The following RAPGEF5 variants were observed in gnomAD, a reference collection of about 807,000 sequenced individuals.
RAPGEF5 encodes the protein M-Ras-regulated GEF.
In RAPGEF5, 65 loss-of-function variants were observed where a neutral mutation model predicts 125.2. The ratio of observed to expected loss-of-function variants is 0.52; its 90% CI spans 0.43 to 0.64. The LOEUF is 0.64. RAPGEF5 is among the 30% of genes least tolerant of loss of function. The pLI is 0.00. For synonymous variants in RAPGEF5, 391 were observed against 385.9 expected, an observed-to-expected ratio of 1.01 and a Z score of -0.16; for missense variants, 958 against 1,048.1, an observed-to-expected ratio of 0.91 and a Z score of 1.19.
At chr7:22,311,921 T>C (rs1783479226) in intron 3 of RAPGEF5, among the ~76,000 whole-genome samples, 2 of 152,258 alleles carry the variant, frequency 1.3e-5, no homozygotes, top group South Asian at 2.1e-4. Context: ...GATTAAATAC[T>C]GTACCATCTT....
chr7:22,205,457 T>A (rs1334541722), intron 9 of RAPGEF5, among the ~76,000 whole-genome samples: 1 of 152,224 alleles, frequency 6.6e-6, no homozygotes, highest in Non-Finnish European at 1.5e-5. Flanking sequence ...TCCTTCTCTA[T>A]CAGCTCCAGT....
chr7:22,275,149 G>A (rs1348672375), intron 6 of RAPGEF5, among the ~76,000 whole-genome samples: 1 of 152,012 alleles, frequency 6.6e-6, no homozygotes, highest in Non-Finnish European at 1.5e-5. Context: ...CCCAACTTAG[G>A]TACCATCTTC....
At chr7:22,240,322 GTT>G (rs113862025) in intron 7 of RAPGEF5, among the ~76,000 whole-genome samples, 11 of 145,146 alleles carry the variant, frequency 7.6e-5, no homozygotes, top group Admixed American at 5.5e-4. Context: ...ACAGGTTTGG[GTT>G]TTTTTTTTTT....
At chr7:22,244,910 G>A (rs1025415094) in intron 7 of RAPGEF5, among the ~76,000 whole-genome samples, 2 of 152,168 alleles carry the variant, frequency 1.3e-5, no homozygotes, top group Non-Finnish European at 2.9e-5. Context: ...CCATATTGTG[G>A]TATGGCTGTA....
Position 22,126,873 on chromosome 7 carries a change from T to C in RAPGEF5, c.2482-1215A>G, listed in dbSNP as rs375319802. On this transcript the variant is annotated intron_variant, in intron 24 of 25. Coordinates refer to ENST00000665637, the MANE Select transcript of RAPGEF5 (RefSeq NM_012294.5). ...CCTGACCTCAGATAATCCAACCAAATTGGCCTCCCAGAATGCTGAGATTAT... is the reference window on the plus strand; with the variant it reads ...CCTGACCTCAGATAATCCAACCAAACTGGCCTCCCAGAATGCTGAGATTAT... Among the ~76,000 whole-genome samples the C allele has an allele frequency of 2.0e-4, 30 of 152,216 alleles. No homozygotes were observed. In the South Asian group the frequency reaches 4.8e-3, roughly 24 times the overall value.
At chr7:22,133,923 A>G (rs963965435) in intron 23 of RAPGEF5, among the ~76,000 whole-genome samples, 1 of 152,224 alleles carries the variant, frequency 6.6e-6, no homozygotes, top group Non-Finnish European at 1.5e-5. Flanking sequence ...GATAATCTGC[A>G]GGCTTATTGG....
At chr7:22,227,312 C>T (rs17146454) in intron 8 of RAPGEF5, among the ~76,000 whole-genome samples, 23,468 of 151,950 alleles carry the variant, frequency 0.15, 1,901 homozygotes, top group Admixed American at 0.2. Context: ...TTTTCTTTGA[C>T]AGTATTAAAT....
At chr7:22,290,732 G>A (rs1437000388) in intron 6 of RAPGEF5, among the ~76,000 whole-genome samples, 1 of 134,466 alleles carries the variant, frequency 7.4e-6, no homozygotes, top group Non-Finnish European at 1.5e-5. Context: ...GCGACAGAGC[G>A]AGACTCCGTC....
rs778525483 is a variant in RAPGEF5, at chr7:22,162,448, A to C, written c.1377T>G (p.Ala459=). The change falls in exon 13 of 26, where the codon GCT becomes GCG. Residue 459 remains alanine (A), a synonymous_variant. Coordinates refer to ENST00000665637, the MANE Select transcript of RAPGEF5 (RefSeq NM_012294.5). The part of the protein sequence containing the change: ...KVLHLVSQWI[A]LYKDWLPEDE... Reference sequence around the variant, plus strand: ...CTTCAGGTAACCAGTCTTTGTACAGAGCAATCCACTGGGAAACAAGATGCA... The same window carrying C: ...CTTCAGGTAACCAGTCTTTGTACAGCGCAATCCACTGGGAAACAAGATGCA... 1.2e-6 allele frequency: 2 copies of C among 1,601,356 alleles called. No homozygotes were observed. Among genetic ancestry groups the C allele is most frequent in the East Asian group, 4.5e-5 (2 of 44,792 alleles).
chr7:22,325,016 C>G (rs1364176595), intron 1 of RAPGEF5, among the ~76,000 whole-genome samples: 1 of 152,186 alleles, frequency 6.6e-6, no homozygotes, highest in African/African-American at 2.4e-5. Context: ...AAACCACATG[C>G]ATTCCCCCTC....
intron 6 of RAPGEF5, among the ~76,000 whole-genome samples, chr7:22,278,559 A>C (rs183528803): frequency 5.9e-5 from 9 of 151,862 alleles, no homozygotes; most frequent in Middle Eastern, 3.4e-3. Flanking sequence ...TCCTAAATTC[A>C]CTCACTGCAT....
At chr7:22,283,154 A>G (rs1035335580) in intron 6 of RAPGEF5, among the ~76,000 whole-genome samples, 4 of 152,186 alleles carry the variant, frequency 2.6e-5, no homozygotes, top group African/African-American at 9.7e-5. Flanking sequence ...CATTTAGAAA[A>G]ATGATAAAGT....
chr7:22,157,656 A>G (rs1332210657), intron 15 of RAPGEF5, among the ~76,000 whole-genome samples, 199 bp downstream of exon 15: 1 of 152,238 alleles, frequency 6.6e-6, no homozygotes, highest in Non-Finnish European at 1.5e-5. Context: ...AAGGGTACAC[A>G]GCTAAAATCG....
chr7:22,265,636 T>C (rs1782263716), intron 7 of RAPGEF5, among the ~76,000 whole-genome samples: 1 of 152,050 alleles, frequency 6.6e-6, no homozygotes, highest in Non-Finnish European at 1.5e-5. Flanking sequence ...ATTTTGACAT[T>C]TTTGAAGAAC....
At position 22,357,084 on chromosome 7, in the gene RAPGEF5, G is replaced by GGGGCTCCTCTCCACCGC; in HGVS notation, c.-41_-25dup. On this transcript the variant is annotated 5_prime_UTR_variant, in exon 1 of 26. Transcript: ENST00000665637. Reference sequence around the variant, plus strand: ...ATGCCCTGACGGCGCTGCGGCGCCGGGGGCTCCTCTCCACCGCGCTCGCCT... The same window carrying GGGGCTCCTCTCCACCGC: ...ATGCCCTGACGGCGCTGCGGCGCCGGGGGCTCCTCTCCACCGCGGGCTCCTCTCCACCGCGCTCGCCT... The GGGGCTCCTCTCCACCGC allele has an allele frequency of 9.8e-7, 1 of 1,019,964 alleles. No individual in the cohort carries two copies. Among genetic ancestry groups the GGGGCTCCTCTCCACCGC allele is most frequent in the Middle Eastern group, 4.7e-4 (1 of 2,138 alleles). The allele number at this position is 1,019,964 out of a possible 1,614,324, so 63.2% of individuals were successfully genotyped here. A position where few individuals can be genotyped will look rare whatever the true frequency, so the allele number is the denominator to read the frequency against.
At chr7:22,214,937 T>C (rs1785599861) in intron 9 of RAPGEF5, among the ~76,000 whole-genome samples, 1 of 152,200 alleles carries the variant, frequency 6.6e-6, no homozygotes, top group Admixed American at 6.5e-5. Context: ...CACTGTTCAG[T>C]CAGATTGAAA....
intron 23 of RAPGEF5, 49 bp from the exon 24 acceptor site, chr7:22,131,150 G>A: frequency 6.7e-7 from 1 of 1,493,218 alleles, no homozygotes; most frequent in African/African-American, 1.4e-5. Flanking sequence ...AATGGATCAT[G>A]AGTCAGGGCT....
intron 18 of RAPGEF5, among the ~76,000 whole-genome samples, chr7:22,149,245 GACA>G (rs1437503054): frequency 6.6e-6 from 1 of 152,216 alleles, no homozygotes; most frequent in Non-Finnish European, 1.5e-5. Flanking sequence ...ATATCCTGCA[GACA>G]ACGTTACATA....
chr7:22,181,494 C>A (rs1426682139), intron 11 of RAPGEF5, among the ~76,000 whole-genome samples: 1 of 152,084 alleles, frequency 6.6e-6, no homozygotes, highest in Non-Finnish European at 1.5e-5. Flanking sequence ...ATTTCAAAGT[C>A]AGAAGATTCA....
Sources: gnomAD v4.1 joint callset for allele counts (sites outside exome capture counted in the v4.1 genomes callset) on GRCh38, gnomAD v4.1.1 for gene constraint, MANE v1.5 for transcripts, NCBI Gene and HGNC (gene_info 2026-07-23, HGNC 2026-07-21) for gene names.